MAGI2: variants seen among roughly 807,000 people sequenced by gnomAD.
MAGI2 encodes the protein membrane associated guanylate kinase, WW and PDZ domain containing 2.
MAGI2 carries 35 observed loss-of-function variants against 133.3 expected under a neutral mutation model. The ratio of observed to expected loss-of-function variants is 0.26; its 90% CI spans 0.20 to 0.35. The LOEUF is 0.35. MAGI2 is among the 10% of genes least tolerant of loss of function. The pLI, the probability that MAGI2 is intolerant of heterozygous loss-of-function variation, is 1.00. For missense variants in MAGI2, 1,636 were observed against 1,863.4 expected (o/e 0.88, Z 2.25); for synonymous variants, 729 against 710.6 (o/e 1.03, Z -0.41).
chr7:79,111,735 C>T (rs887121987), intron 1 of MAGI2, among the ~76,000 whole-genome samples: 3 of 152,010 alleles, frequency 2.0e-5, no homozygotes, highest in Admixed American at 6.6e-5. Context: ...GGCACGATCT[C>T]GGCTCACTGC....
intron 10 of MAGI2, among the ~76,000 whole-genome samples, chr7:78,238,210 T>G (rs1338418429): frequency 1.3e-5 from 2 of 152,120 alleles, no homozygotes; most frequent in Non-Finnish European, 2.9e-5. Flanking sequence ...ATTTCCTAGA[T>G]GTTCTTATTC....
chr7:78,843,690 TTAAA>T (rs1361935840), intron 2 of MAGI2, among the ~76,000 whole-genome samples: 1 of 151,740 alleles, frequency 6.6e-6, no homozygotes, highest in Admixed American at 6.6e-5. Context: ...GCCTGTGTCA[TTAAA>T]TATTCATTGA....
intron 2 of MAGI2, among the ~76,000 whole-genome samples, chr7:78,882,506 C>T (rs1795955913): frequency 6.6e-6 from 1 of 152,050 alleles, no homozygotes; most frequent in African/African-American, 2.4e-5. Context: ...CCCCCTAACT[C>T]ATTCTATGAA....
chr7:78,684,187 C>T (rs1314860401), intron 2 of MAGI2, among the ~76,000 whole-genome samples: 1 of 152,100 alleles, frequency 6.6e-6, no homozygotes, highest in South Asian at 2.1e-4. Flanking sequence ...CTGTATTATA[C>T]TCATTATCAA....
chr7:79,149,117 T>C (rs1189750409), intron 1 of MAGI2, among the ~76,000 whole-genome samples: 3 of 144,428 alleles, frequency 2.1e-5, no homozygotes, highest in Non-Finnish European at 4.5e-5. Context: ...TATTATATTA[T>C]ATATAATATA....
intron 3 of MAGI2, among the ~76,000 whole-genome samples, chr7:78,586,741 C>G (rs2150828983): frequency 6.6e-6 from 1 of 152,296 alleles, no homozygotes; most frequent in South Asian, 2.1e-4. Flanking sequence ...ATTCTTCTCT[C>G]CCTGCAGTCC....
chr7:79,250,159 T>C (rs1310073008), intron 1 of MAGI2, among the ~76,000 whole-genome samples: 3 of 151,818 alleles, frequency 2.0e-5, no homozygotes, highest in Non-Finnish European at 2.9e-5. Flanking sequence ...ATGATAGCCA[T>C]ATAAAACAGC....
At chr7:79,167,551 T>C (rs1251967573) in intron 1 of MAGI2, among the ~76,000 whole-genome samples, 1 of 152,054 alleles carries the variant, frequency 6.6e-6, no homozygotes, top group Non-Finnish European at 1.5e-5. Context: ...ATACTATTTC[T>C]TTTTTTGTTT....
At chr7:78,976,702 C>CA (rs1217221678) in intron 2 of MAGI2, among the ~76,000 whole-genome samples, 4 of 89,778 alleles carry the variant, frequency 4.5e-5, no homozygotes, top group African/African-American at 5.0e-5. Context: ...GTAGAAACAC[C>CA]AAAAAAACTA....
intron 20 of MAGI2, among the ~76,000 whole-genome samples, chr7:78,081,453 G>A (rs991462157): frequency 1.3e-5 from 2 of 152,302 alleles, no homozygotes; most frequent in South Asian, 2.1e-4. Flanking sequence ...CATTCACAAA[G>A]TACTAAGGGC....
chr7:79,159,517 C>CA lies in MAGI2; in HGVS notation c.302-152312dup, dbSNP rs57296916. Among the ~76,000 whole-genome samples the CA allele has an allele frequency of 5.3e-3, 568 of 107,324 alleles. 1 individual carries two copies. The highest frequency in any genetic ancestry group is 0.017 in the African/African-American group (506 of 29,282). The allele number at this position is 107,324 out of a possible 152,430, so 70.4% of individuals were successfully genotyped here. A position where few individuals can be genotyped will look rare whatever the true frequency, so the allele number is the denominator to read the frequency against. On this transcript the variant is annotated intron_variant, in intron 1 of 21. Transcript: ENST00000354212. ...TGCATGACAGAGTGAGACTCAGTCTCAAAAAAAAAAAAAAAAAGAAGAAGA... is the reference window on the plus strand; with the variant it reads ...TGCATGACAGAGTGAGACTCAGTCTCAAAAAAAAAAAAAAAAAAGAAGAAGA...
At chr7:78,780,149 C>T (rs551445854) in intron 2 of MAGI2, among the ~76,000 whole-genome samples, 5 of 152,326 alleles carry the variant, frequency 3.3e-5, no homozygotes, top group African/African-American at 9.6e-5. Context: ...TGTTTAAAAA[C>T]TGGCTCTATG....
chr7:78,309,317 G>T (rs1335010466), intron 9 of MAGI2, among the ~76,000 whole-genome samples: 1 of 152,154 alleles, frequency 6.6e-6, no homozygotes, highest in East Asian at 1.9e-4. Flanking sequence ...TTTGGATAAA[G>T]AAAATATGAT....
intron 2 of MAGI2, among the ~76,000 whole-genome samples, chr7:78,860,884 G>A (rs1458344785): frequency 6.6e-6 from 1 of 152,142 alleles, no homozygotes; most frequent in African/African-American, 2.4e-5. Flanking sequence ...AGCTGCAGTG[G>A]GCTCCACCCT....
intron 14 of MAGI2, among the ~76,000 whole-genome samples, chr7:78,172,533 C>CTTTCTA (rs1826213555): frequency 6.6e-6 from 1 of 152,324 alleles, no homozygotes; most frequent in African/African-American, 2.4e-5. Context: ...CTTTTCACTT[C>CTTTCTA]TTTCTATTTC....
At chr7:78,768,832 G>C (rs1482095829) in intron 2 of MAGI2, among the ~76,000 whole-genome samples, 4 of 152,074 alleles carry the variant, frequency 2.6e-5, no homozygotes, top group Admixed American at 2.6e-4. Context: ...CTAGTGGATA[G>C]TGCCTCAACA....
intron 9 of MAGI2, among the ~76,000 whole-genome samples, chr7:78,319,764 A>G (rs1436465950): frequency 6.6e-6 from 1 of 152,222 alleles, no homozygotes; most frequent in African/African-American, 2.4e-5. Flanking sequence ...AGAAGACAAG[A>G]AATAACTAAG....
chr7:79,399,079 C>CTTTTCT (rs1585840184), intron 1 of MAGI2, among the ~76,000 whole-genome samples: 16 of 114,650 alleles, frequency 1.4e-4, no homozygotes, highest in East Asian at 8.8e-4. Flanking sequence ...AGTATTATTT[C>CTTTTCT]TTTTTTTTTT....
At chr7:78,364,461 T>C (rs902462061) in intron 7 of MAGI2, among the ~76,000 whole-genome samples, 4 of 152,234 alleles carry the variant, frequency 2.6e-5, no homozygotes, top group African/African-American at 7.2e-5. Context: ...ACATTCAAGA[T>C]ATTATGCAGT....
Sources: allele counts gnomAD v4.1 joint callset (sites outside exome capture counted in the v4.1 genomes callset), GRCh38; gene constraint gnomAD v4.1.1; transcripts MANE v1.5; gene names NCBI Gene and HGNC (gene_info 2026-07-23, HGNC 2026-07-21).